Variants in SFMBT1 observed in about 807,000 individuals in gnomAD.
The protein encoded by SFMBT1 is Scm like with four mbt domains 1.
In SFMBT1, 32 loss-of-function variants were observed where a neutral mutation model predicts 108.7. That is an observed-to-expected ratio of 0.29 (90% CI 0.22 to 0.40). The LOEUF is 0.40. Ranked by LOEUF, SFMBT1 falls within the 10% of genes least tolerant of loss-of-function variation. SFMBT1 has a pLI of 1.00. For missense variants in SFMBT1, 816 were observed against 1,059.6 expected, an observed-to-expected ratio of 0.77 and a Z score of 3.19; for synonymous variants, 348 against 369.5, an observed-to-expected ratio of 0.94 and a Z score of 0.67.
At position 52,966,421 on chromosome 3, in the gene SFMBT1, C is replaced by T. The variant is rs192087553; in HGVS notation, c.28+2680G>A. Among the ~76,000 whole-genome samples, 44 of 150,820 alleles carry T rather than the reference C, an allele frequency of 2.9e-4. 1 individual carries two copies. The East Asian group carries it at 7.6e-3, about 26-fold the overall frequency. ...CAGGTGGATCACAGGGTCAGGAGAT[C>T]GAGACCATCCTGGCTAACACAGTGA... is the stretch of plus-strand genomic sequence containing the variant. On this transcript the variant is annotated intron_variant, in intron 2 of 20. Coordinates refer to ENST00000394752, the MANE Select transcript of SFMBT1 (RefSeq NM_016329.4).
At chr3:52,969,436 T>A (rs917015604) in intron 1 of SFMBT1, among the ~76,000 whole-genome samples, 178 bp from the exon 2 acceptor site, 1 of 152,196 alleles carries the variant, frequency 6.6e-6, no homozygotes, top group Middle Eastern at 3.2e-3. Context: ...TGTATGTGTA[T>A]GTGTGCGCTC....
At chr3:52,941,649 G>A (rs970927645) in intron 4 of SFMBT1, among the ~76,000 whole-genome samples, 2 of 143,530 alleles carry the variant, frequency 1.4e-5, no homozygotes, top group South Asian at 2.3e-4. Flanking sequence ...GTTCATGCCT[G>A]TAATCCCAAC....
chr3:52,967,348 G>A (rs1256776110), intron 2 of SFMBT1, among the ~76,000 whole-genome samples: 1 of 152,070 alleles, frequency 6.6e-6, no homozygotes, highest in East Asian at 1.9e-4. Context: ...CCATGCAAAT[G>A]TTAATAAAAG....
intron 1 of SFMBT1, among the ~76,000 whole-genome samples, chr3:53,015,862 G>A (rs1385784317): frequency 6.6e-6 from 1 of 152,056 alleles, no homozygotes; most frequent in African/African-American, 2.4e-5. Flanking sequence ...TTATCATGAT[G>A]GTTACACTAC....
intron 1 of SFMBT1, among the ~76,000 whole-genome samples, chr3:53,024,047 C>T (rs953536282): frequency 6.6e-6 from 1 of 152,144 alleles, no homozygotes. Flanking sequence ...AAGGAGCTTA[C>T]ATTCTAGTGA....
intron 1 of SFMBT1, among the ~76,000 whole-genome samples, chr3:53,021,413 T>C (rs1699302336): frequency 6.6e-6 from 1 of 152,214 alleles, no homozygotes; most frequent in African/African-American, 2.4e-5. Flanking sequence ...TGGGGATGTA[T>C]TATATTATCT....
intron 1 of SFMBT1, among the ~76,000 whole-genome samples, chr3:53,013,871 C>T (rs1357286872): frequency 3.3e-5 from 5 of 151,902 alleles, no homozygotes; most frequent in Non-Finnish European, 5.9e-5. Flanking sequence ...CCAGGTAATC[C>T]GCCCATCTCA....
At position 52,995,428 on chromosome 3, in the gene SFMBT1, G is replaced by A. The variant is rs577873957; in HGVS notation, c.-130-26170C>T. ...TTTTGAGGCAGGGTCTTGCTCTGTCGCCAAGTTTGGAATGCAATGGGCACG... is the reference window on the plus strand; with the variant it reads ...TTTTGAGGCAGGGTCTTGCTCTGTCACCAAGTTTGGAATGCAATGGGCACG... On this transcript the variant is annotated intron_variant, in intron 1 of 20. Coordinates refer to ENST00000394752, the MANE Select transcript of SFMBT1 (RefSeq NM_016329.4). Among the ~76,000 whole-genome samples, 5 of 150,222 alleles carry A rather than the reference G, an allele frequency of 3.3e-5. No homozygotes were observed. In the South Asian group the frequency reaches 6.3e-4, roughly 19 times the overall value.
chr3:52,986,706 G>A (rs1400428114), intron 1 of SFMBT1, among the ~76,000 whole-genome samples: 1 of 150,282 alleles, frequency 6.7e-6, no homozygotes, highest in Non-Finnish European at 1.5e-5. Flanking sequence ...AACCTGGGAG[G>A]TGGAGGTTGC....
At chr3:53,044,492 G>A (rs1339635324) in intron 1 of SFMBT1, among the ~76,000 whole-genome samples, 1 of 152,032 alleles carries the variant, frequency 6.6e-6, no homozygotes, top group African/African-American at 2.4e-5. Context: ...ATCTACCTAC[G>A]GCCTAATTCA....
chr3:52,964,250 C>T (rs1704057915), intron 2 of SFMBT1, among the ~76,000 whole-genome samples: 1 of 152,210 alleles, frequency 6.6e-6, no homozygotes, highest in Non-Finnish European at 1.5e-5. Context: ...TGGCTCACAC[C>T]TGTAAATCCC....
At chr3:53,042,987 C>G (rs1329049545) in intron 1 of SFMBT1, 1 of 152,244 alleles carries the variant, frequency 6.6e-6, no homozygotes, top group African/African-American at 2.4e-5. Flanking sequence ...AATCATTTCA[C>G]AAAAGAAAAC....
rs144693525 is a variant in SFMBT1, at chr3:52,956,646, A to G, written c.29-2235T>C. Among the ~76,000 whole-genome samples, 818 of 152,220 alleles carry G rather than the reference A, an allele frequency of 5.4e-3. 23 individuals are homozygous for G. Among genetic ancestry groups the G allele is most frequent in the Admixed American group, 0.044 (667 of 15,274 alleles). The stretch of plus-strand genomic sequence containing the variant: ...TGTGGTGGCGTGCGCTTATAGTCCC[A>G]GCTACTCAGGAGGCTGAGAGAGAAG... On this transcript the variant is annotated intron_variant, in intron 2 of 20. Transcript: ENST00000394752.
intron 1 of SFMBT1, among the ~76,000 whole-genome samples, chr3:53,009,037 G>T (rs1044214557): frequency 2.0e-5 from 3 of 152,206 alleles, no homozygotes; most frequent in East Asian, 1.9e-4. Flanking sequence ...CTACTCGGGA[G>T]GCTTGAGGTG....
chr3:52,973,727 T>C (rs1410430723), intron 1 of SFMBT1, among the ~76,000 whole-genome samples: 2 of 152,014 alleles, frequency 1.3e-5, no homozygotes, highest in East Asian at 1.9e-4. Context: ...GCCTCCCAGG[T>C]TGAAGTGATT....
At chr3:52,957,975 T>C (rs533308024) in intron 2 of SFMBT1, among the ~76,000 whole-genome samples, 65 of 152,182 alleles carry the variant, frequency 4.3e-4, no homozygotes, top group African/African-American at 1.5e-3. Context: ...CTAATTAAAC[T>C]AAAGAGCTTC....
Position 52,943,589 on chromosome 3 carries a change from T to C in SFMBT1, c.128A>G (p.Asp43Gly). The C allele has an allele frequency of 6.2e-7, 1 of 1,614,286 alleles. No individual in the cohort carries two copies. The highest frequency in any genetic ancestry group is 8.5e-7 in the Non-Finnish European group (1 of 1,180,048). Residue 43 changes from aspartate (D) to glycine (G), a missense_variant, in exon 4 of 21, where the codon GAC becomes GGC. By Grantham distance (94) the Asp-to-Gly change is moderately conservative. Transcript: ENST00000394752. ...AGCAAATCCATTTTGCAAACGTGTG[T>C]CCACCTTAACAGGGAAATGTTATTA... ...AVPYGSFKHVDTRLQNGFAPG... is the reference protein window; with the variant it reads ...AVPYGSFKHVGTRLQNGFAPG...
At chr3:53,018,446 A>C (rs1699197417) in intron 1 of SFMBT1, among the ~76,000 whole-genome samples, 1 of 151,964 alleles carries the variant, frequency 6.6e-6, no homozygotes, top group East Asian at 1.9e-4. Flanking sequence ...TCTGTAACCT[A>C]GAACCTTCAG....
At position 52,981,842 on chromosome 3, in the gene SFMBT1, C is replaced by G. The variant is rs930958409; in HGVS notation, c.-130-12584G>C. Among the ~76,000 whole-genome samples, 4 of 152,224 alleles carry G rather than the reference C, an allele frequency of 2.6e-5. No homozygotes were observed. The East Asian group carries it at 7.7e-4, about 29-fold the overall frequency. ...GCAGTTAGGTTTATAATCAGGACAG[C>G]CCGCTAACCCCCACGCCTCGAAGGG... is the stretch of plus-strand genomic sequence containing the variant. On this transcript the variant is annotated intron_variant, in intron 1 of 20. Transcript: ENST00000394752.
Sources: allele counts gnomAD v4.1 joint callset (sites outside exome capture counted in the v4.1 genomes callset), GRCh38; gene constraint gnomAD v4.1.1; transcripts MANE v1.5; gene names NCBI Gene and HGNC (gene_info 2026-07-23, HGNC 2026-07-21).